CRTAM: variants seen among roughly 807,000 people sequenced by gnomAD.
CRTAM encodes the protein cytotoxic and regulatory T-cell molecule.
Under a neutral mutation model 50.0 loss-of-function variants are expected in CRTAM, and 44 were observed. The observed-to-expected ratio is 0.88, with a 90% confidence interval of 0.69 to 1.13. CRTAM has a LOEUF of 1.13. Among genes scored for constraint, CRTAM ranks in the 50% most tolerant of loss-of-function variants. The pLI is 0.00. For missense variants in CRTAM, 448 were observed against 457.5 expected, an observed-to-expected ratio of 0.98 and a Z score of 0.19; for synonymous variants, 159 against 169.3, an observed-to-expected ratio of 0.94 and a Z score of 0.47.
Position 122,868,069 on chromosome 11 carries a change from G to C in CRTAM, c.1021G>C (p.Glu341Gln). ...TTACAGATCAAGGTCAAATAATGAA[G>C]AAACATCATCTGAAGAGAAAAATGG... ...ESYRSRSNNE[E>Q]TSSEEKNGQS... is the part of the protein sequence containing the mutation. Residue 341 changes from glutamate (E) to glutamine (Q), a missense_variant, in exon 9 of 10, where the codon GAA becomes CAA. Coordinates refer to ENST00000227348, the MANE Select transcript of CRTAM (RefSeq NM_019604.4). The C allele has an allele frequency of 1.2e-6, 2 of 1,612,892 alleles. No individual in the cohort carries two copies. The highest frequency in any genetic ancestry group is 1.7e-6 in the Non-Finnish European group (2 of 1,179,058).
intron 1 of CRTAM, among the ~76,000 whole-genome samples, chr11:122,839,768 A>G (rs1243949242): frequency 6.6e-6 from 1 of 152,226 alleles, no homozygotes; most frequent in Non-Finnish European, 1.5e-5. Flanking sequence ...GTTCTGTTTC[A>G]TGAAATGCAC....
chr11:122,855,898 C>T (rs1862000560), intron 5 of CRTAM, 42 bp downstream of exon 5: 2 of 1,533,694 alleles, frequency 1.3e-6, no homozygotes, highest in African/African-American at 1.4e-5. Context: ...TTTTGATTTA[C>T]TTTAATATTA....
intron 1 of CRTAM, among the ~76,000 whole-genome samples, chr11:122,846,762 C>T (rs1861869157): frequency 6.6e-6 from 1 of 152,188 alleles, no homozygotes; most frequent in South Asian, 2.1e-4. Context: ...CCATTTGCTC[C>T]TCAAAACCTT....
At chr11:122,849,536 A>G (rs1861904795) in intron 1 of CRTAM, among the ~76,000 whole-genome samples, 1 of 152,186 alleles carries the variant, frequency 6.6e-6, no homozygotes, top group African/African-American at 2.4e-5. Flanking sequence ...AGCCTGGCCA[A>G]CATAGTAAAA....
chr11:122,849,310 G>A (rs1174198150), intron 1 of CRTAM, among the ~76,000 whole-genome samples: 1 of 152,172 alleles, frequency 6.6e-6, no homozygotes, highest in Non-Finnish European at 1.5e-5. Context: ...ACATAAACAC[G>A]GCCTTTGCCA....
chr11:122,866,865 C>T (rs540701494), intron 7 of CRTAM, among the ~76,000 whole-genome samples: 1 of 152,208 alleles, frequency 6.6e-6, no homozygotes, highest in African/African-American at 2.4e-5. Context: ...CCCATCCCAG[C>T]CTCCCAAAGT....
chr11:122,852,734 C>T (rs76038379), intron 3 of CRTAM, among the ~76,000 whole-genome samples: 1,803 of 152,260 alleles, frequency 0.012, 40 homozygotes, highest in African/African-American at 0.041. Flanking sequence ...GCTCTCATAA[C>T]ACCCCATGTA....
chr11:122,861,024 G>A (rs66707646), intron 5 of CRTAM, among the ~76,000 whole-genome samples: 24,950 of 152,008 alleles, frequency 0.16, 2,392 homozygotes, highest in East Asian at 0.32. Flanking sequence ...TTTATTCCCA[G>A]TACTTCTATT....
intron 5 of CRTAM, among the ~76,000 whole-genome samples, chr11:122,858,636 C>T (rs1200044364): frequency 6.6e-6 from 1 of 152,086 alleles, no homozygotes; most frequent in East Asian, 1.9e-4. Context: ...CTTAAGTGAT[C>T]CTCCCACCTC....
At chr11:122,863,347 AAGAAAAAGAAAG>A (rs1240390726) in intron 6 of CRTAM, among the ~76,000 whole-genome samples, 2 of 117,420 alleles carry the variant, frequency 1.7e-5, no homozygotes, top group Non-Finnish European at 3.8e-5. Flanking sequence ...GAAAGAAAGA[AAGAAAAAGAAAG>A]AAAGAAAGAA....
Position 122,853,980 on chromosome 11 carries a change from C to T in CRTAM, c.384C>T (p.Ile128=). The change falls in exon 4 of 10, where the codon ATC becomes ATT. Residue 128 remains isoleucine, a synonymous_variant. Coordinates refer to ENST00000227348, the MANE Select transcript of CRTAM (RefSeq NM_019604.4). ...AGCCAATCCTGGAAGCTTCAGTTAT[C>T]AGAAAGCAAAATGGAGAAGAACATG... ...PFKPILEASV[I]RKQNGEEHVV... 1 of 1,614,056 alleles carries T rather than the reference C, an allele frequency of 6.2e-7. No homozygotes were observed. The highest frequency in any genetic ancestry group is 8.5e-7 in the Non-Finnish European group (1 of 1,179,998).
At chr11:122,858,233 A>C (rs1862029860) in intron 5 of CRTAM, among the ~76,000 whole-genome samples, 1 of 151,434 alleles carries the variant, frequency 6.6e-6, no homozygotes, top group Non-Finnish European at 1.5e-5. Context: ...TCATTTATTT[A>C]TTTCTTTTCT....
intron 2 of CRTAM, among the ~76,000 whole-genome samples, chr11:122,851,126 G>A (rs763409977): frequency 3.9e-5 from 6 of 152,196 alleles, no homozygotes; most frequent in East Asian, 1.9e-4. Context: ...TTAGCTGGGC[G>A]TGGTGGAGCA....
At chr11:122,868,278 T>C (rs981075854) in intron 9 of CRTAM, among the ~76,000 whole-genome samples, 179 bp downstream of exon 9, 6 of 149,246 alleles carry the variant, frequency 4.0e-5, no homozygotes, top group African/African-American at 1.5e-4. Flanking sequence ...CATGAGATTA[T>C]GGAGGCTGAC....
chr11:122,845,186 A>G (rs920835217), intron 1 of CRTAM, among the ~76,000 whole-genome samples: 2 of 152,200 alleles, frequency 1.3e-5, no homozygotes, highest in East Asian at 3.9e-4. Context: ...CTAGGGAACC[A>G]GGTAAAGACA....
chr11:122,850,564 C>T (rs191460165), intron 2 of CRTAM, among the ~76,000 whole-genome samples: 1 of 152,166 alleles, frequency 6.6e-6, no homozygotes, highest in Admixed American at 6.5e-5. Flanking sequence ...ACTGGGAGCC[C>T]GATCCTCATG....
At chr11:122,864,754 C>A in intron 7 of CRTAM, 35 bp downstream of exon 7, 1 of 1,462,238 alleles carries the variant, frequency 6.8e-7, no homozygotes, top group Non-Finnish European at 9.6e-7. Context: ...AATAAACACT[C>A]GACATTTTAA....
chr11:122,861,893 C>T (rs769227191), intron 5 of CRTAM, among the ~76,000 whole-genome samples: 38 of 152,118 alleles, frequency 2.5e-4, no homozygotes, highest in Non-Finnish European at 4.7e-4. Context: ...TATACAATAA[C>T]ATTTAGCACT....
chr11:122,859,111 T>A (rs1252445273), intron 5 of CRTAM, among the ~76,000 whole-genome samples: 1 of 152,196 alleles, frequency 6.6e-6, no homozygotes, highest in East Asian at 1.9e-4. Flanking sequence ...ATGGCATATT[T>A]GTTTTTATTT....
Sources: gnomAD v4.1 joint callset for allele counts (sites outside exome capture counted in the v4.1 genomes callset) on GRCh38, gnomAD v4.1.1 for gene constraint, MANE v1.5 for transcripts, NCBI Gene and HGNC (gene_info 2026-07-23, HGNC 2026-07-21) for gene names.